The following RB1 variants were observed in gnomAD, a reference collection of about 807,000 sequenced individuals.
RB1 encodes the protein retinoblastoma-associated protein.
RB1 carries 18 observed loss-of-function variants against 135.4 expected under a neutral mutation model. The observed-to-expected ratio is 0.13, with a 90% confidence interval of 0.09 to 0.20. The LOEUF is 0.20. Ranked by LOEUF, RB1 falls within the 10% of genes least tolerant of loss-of-function variation. The pLI, the probability that RB1 is intolerant of heterozygous loss-of-function variation, is 1.00. For missense variants in RB1, 868 were observed against 1,110.0 expected (o/e 0.78, Z 3.10); for synonymous variants, 365 against 373.2 (o/e 0.98, Z 0.25).
intron 23 of RB1, among the ~76,000 whole-genome samples, chr13:48,465,581 C>T (rs977784715): frequency 5.9e-5 from 9 of 152,204 alleles, no homozygotes; most frequent in East Asian, 3.9e-4. Flanking sequence ...GGAACAGCTC[C>T]GGTCTACAGC....
rs577708735 is a variant in RB1 at position 48,365,463 on chromosome 13, C to T, written c.939+492C>T. Among the ~76,000 whole-genome samples, 11 of 152,220 alleles carry T rather than the reference C, an allele frequency of 7.2e-5. No homozygotes were observed. The South Asian group carries it at 2.3e-3, about 32-fold the overall frequency. ...CTGTGACTATTGCAGAAGTGTTTTA[C>T]CTTAGTGATATTCCATCCATCTACC... On this transcript the variant is annotated intron_variant, in intron 9 of 26. Transcript: ENST00000267163.
chr13:48,475,451 C>T (rs1208441120), intron 24 of RB1, among the ~76,000 whole-genome samples: 3 of 152,150 alleles, frequency 2.0e-5, no homozygotes, highest in Non-Finnish European at 2.9e-5. Flanking sequence ...GGCTATTGGC[C>T]CCTCTATTGG....
rs753912415 is a variant in RB1, at chr13:48,463,842, A to G, written c.2211+7A>G. 6 of 1,542,538 alleles carry G rather than the reference A, an allele frequency of 3.9e-6. No individual in the cohort carries two copies. In the Admixed American group the frequency reaches 5.0e-5, roughly 13 times the overall value. ...TCCTCATGCTGTTCAGGAGGTAGGT[A>G]ATTTTCCATAGTAAGTTTTTTTGAT... is the stretch of plus-strand genomic sequence containing the variant. On this transcript the variant is annotated splice_region_variant and intron_variant, in intron 21 of 26. Coordinates refer to ENST00000267163, the MANE Select transcript of RB1 (RefSeq NM_000321.3).
chr13:48,304,164 G>T, intron 1 of RB1, 115 bp downstream of exon 1: 5 of 1,166,738 alleles, frequency 4.3e-6, no homozygotes, highest in Admixed American at 4.3e-5. Flanking sequence ...GGGTCCCGGC[G>T]GGAGGAGGCG....
chr13:48,376,485 G>T (rs919017611), intron 12 of RB1, among the ~76,000 whole-genome samples: 1 of 142,108 alleles, frequency 7.0e-6, no homozygotes, highest in Non-Finnish European at 1.5e-5. Flanking sequence ...GGGCGACAGA[G>T]TGACACTTCA....
At chr13:48,352,155 C>T (rs1266799008) in intron 6 of RB1, among the ~76,000 whole-genome samples, 3 of 152,072 alleles carry the variant, frequency 2.0e-5, no homozygotes, top group Admixed American at 6.6e-5. Flanking sequence ...AGGTGTGCAA[C>T]CTTATTTCTG....
chr13:48,346,937 A>T (rs1415907766), intron 4 of RB1, among the ~76,000 whole-genome samples: 1 of 151,958 alleles, frequency 6.6e-6, no homozygotes, highest in Non-Finnish European at 1.5e-5. Context: ...TAAGTACTTT[A>T]AGATCTATAA....
At chr13:48,394,879 A>G (rs1437249536) in intron 17 of RB1, among the ~76,000 whole-genome samples, 1 of 152,210 alleles carries the variant, frequency 6.6e-6, no homozygotes, top group Admixed American at 6.5e-5. Context: ...ATCTCCCAGC[A>G]CAGTGCTCAA....
intron 3 of RB1, 29 bp from the exon 4 acceptor site, chr13:48,345,051 T>G: frequency 1.3e-6 from 2 of 1,599,582 alleles, no homozygotes; most frequent in Non-Finnish European, 1.7e-6. Context: ...AGGTTACTGA[T>G]TTACTTTTTT....
rs3092888 is a variant in RB1 at position 48,368,678 on chromosome 13, C to T, written c.1127+74C>T. The T allele has an allele frequency of 0.023, 35,926 of 1,553,080 alleles. 2,575 individuals are homozygous for T. Among genetic ancestry groups the T allele is most frequent in the African/African-American group, 0.22 (15,894 of 72,238 alleles). On this transcript the variant is annotated intron_variant, in intron 11 of 26. Coordinates refer to ENST00000267163, the MANE Select transcript of RB1 (RefSeq NM_000321.3). ...CTTTATAGTGTTTCAGATTTGTTCA[C>T]GTTTCTTTATGTATTCATACATACA...
intron 2 of RB1, among the ~76,000 whole-genome samples, chr13:48,334,129 G>C (rs1398704963): frequency 2.0e-5 from 3 of 152,178 alleles, no homozygotes; most frequent in Non-Finnish European, 4.4e-5. Flanking sequence ...TCTGGAAATA[G>C]AATCAACTTT....
intron 2 of RB1, among the ~76,000 whole-genome samples, chr13:48,314,644 A>G (rs112326201): frequency 0.042 from 6,440 of 152,194 alleles, 483 homozygotes; most frequent in African/African-American, 0.15. Flanking sequence ...TACTAAAAAT[A>G]CAAAAAATTA....
chr13:48,307,637 C>T lies in RB1; in HGVS notation c.264+231C>T, dbSNP rs1265110332. ...TGGGAGGCTGAGGCAGGTGGATTGC[C>T]TGAGCTCAGGAGTTCGAGACCAGCC... On this transcript the variant is annotated intron_variant, in intron 2 of 26. Transcript: ENST00000267163. Among the ~76,000 whole-genome samples, 739 of 146,428 alleles carry T rather than the reference C, an allele frequency of 5.0e-3. 3 individuals are homozygous for T. Among genetic ancestry groups the T allele is most frequent in the Non-Finnish European group, 8.2e-3 (537 of 65,298 alleles).
chr13:48,313,037 A>G (rs1019672237), intron 2 of RB1, among the ~76,000 whole-genome samples: 4 of 152,054 alleles, frequency 2.6e-5, no homozygotes, highest in Admixed American at 2.0e-4. Flanking sequence ...TCTGTGCTTT[A>G]ACCTTCCTTC....
intron 3 of RB1, among the ~76,000 whole-genome samples, chr13:48,344,608 G>A (rs548464823): frequency 1.1e-3 from 169 of 152,230 alleles, no homozygotes; most frequent in Non-Finnish European, 1.9e-3. Flanking sequence ...ACGGGGGAGG[G>A]GGTGGCTTTG....
At chr13:48,388,749 A>C (rs534269602) in intron 17 of RB1, among the ~76,000 whole-genome samples, 1 of 152,304 alleles carries the variant, frequency 6.6e-6, no homozygotes, top group African/African-American at 2.4e-5. Context: ...GGCTAAAGAT[A>C]GAATTCTAAG....
Position 48,319,779 on chromosome 13 carries a change from C to A in RB1, c.264+12373C>A. ...CACATTTTTGGGTCGCATGCTATCT[C>A]TTCTCATTCAGAAGCTGTTCTATTT... On this transcript the variant is annotated intron_variant, in intron 2 of 26. Transcript: ENST00000267163. This position sits in a 1 kb window ranked among gnomAD's most constrained non-coding sequence, Gnocchi z 5.0. 3.4e-6 allele frequency: 1 copy of A among 292,118 alleles called. No homozygotes were observed. Among genetic ancestry groups the A allele is most frequent in the South Asian group, 4.5e-5 (1 of 22,414 alleles). The allele number at this position is 292,118 out of a possible 1,614,324, so 18.1% of individuals were successfully genotyped here.
chr13:48,416,743 G>T (rs1363284662), intron 17 of RB1, among the ~76,000 whole-genome samples: 1 of 152,192 alleles, frequency 6.6e-6, no homozygotes, highest in Non-Finnish European at 1.5e-5. Context: ...GCTGGAGCTT[G>T]GTGGGAGGAG....
intron 17 of RB1, chr13:48,416,332 A>G (rs552247354): frequency 3.3e-5 from 5 of 152,430 alleles, no homozygotes; most frequent in East Asian, 3.9e-4. Flanking sequence ...GCAAGGGGCC[A>G]GGGAACTTCC....
Sources: allele counts gnomAD v4.1 joint callset (sites outside exome capture counted in the v4.1 genomes callset), GRCh38; gene constraint gnomAD v4.1.1; non-coding constraint Gnocchi (gnomAD v3.1); transcripts MANE v1.5; gene names NCBI Gene and HGNC (gene_info 2026-07-23, HGNC 2026-07-21).